Variants in PPFIA1 observed in about 807,000 individuals in gnomAD.
PPFIA1 encodes PPFI scaffold protein A1, also known as liprin-alpha-1.
A neutral mutation model predicts 149.9 loss-of-function variants in PPFIA1; 25 were observed. The ratio of observed to expected loss-of-function variants is 0.17; its 90% CI spans 0.12 to 0.23. The LOEUF is 0.23. Among genes scored for constraint, PPFIA1 ranks in the 10% least tolerant of loss-of-function variants. The pLI, the probability that PPFIA1 is intolerant of heterozygous loss-of-function variation, is 1.00. For missense variants in PPFIA1, 1,362 were observed against 1,506.5 expected, an observed-to-expected ratio of 0.90 and a Z score of 1.59; for synonymous variants, 549 against 552.8, an observed-to-expected ratio of 0.99 and a Z score of 0.10.
chr11:70,359,378 A>T (rs1037817331), intron 19 of PPFIA1, among the ~76,000 whole-genome samples: 2 of 152,180 alleles, frequency 1.3e-5, no homozygotes, highest in Non-Finnish European at 1.5e-5. Context: ...GGGCGACCCT[A>T]CATCTTTCCT....
intron 19 of PPFIA1, among the ~76,000 whole-genome samples, chr11:70,361,006 C>T (rs1050740928): frequency 1.3e-5 from 2 of 152,176 alleles, no homozygotes; most frequent in African/African-American, 4.8e-5. Flanking sequence ...ATGAGATTCA[C>T]CAAGCTTATA....
intron 16 of PPFIA1, chr11:70,350,967 C>A: frequency 3.2e-6 from 4 of 1,239,282 alleles, no homozygotes; most frequent in Non-Finnish European, 4.2e-6. Flanking sequence ...TCTGGTTTCT[C>A]TTCATTTCTT....
intron 2 of PPFIA1, among the ~76,000 whole-genome samples, chr11:70,297,760 G>C (rs183179384): frequency 1.3e-5 from 2 of 152,148 alleles, no homozygotes; most frequent in Non-Finnish European, 2.9e-5. Context: ...CCATTTCCCC[G>C]TAATGTCTGT....
intron 2 of PPFIA1, chr11:70,278,809 C>A: frequency 2.8e-6 from 1 of 352,208 alleles, no homozygotes. Context: ...TACAGAAAGG[C>A]AGAATTGTGT....
chr11:70,302,543 C>G (rs556744715), intron 2 of PPFIA1, among the ~76,000 whole-genome samples: 1 of 152,300 alleles, frequency 6.6e-6, no homozygotes, highest in South Asian at 2.1e-4. Context: ...TAAACCCTTT[C>G]TTTTTATCAT....
intron 2 of PPFIA1, among the ~76,000 whole-genome samples, chr11:70,288,967 G>GT (rs34756873): frequency 0.016 from 1,930 of 124,084 alleles, 64 homozygotes; most frequent in African/African-American, 0.045. Flanking sequence ...GCATCTGGTT[G>GT]TTTTTTTTTT....
intron 2 of PPFIA1, among the ~76,000 whole-genome samples, chr11:70,281,599 T>G (rs959241468): frequency 6.6e-6 from 1 of 152,212 alleles, no homozygotes; most frequent in Non-Finnish European, 1.5e-5. Context: ...AGGCCTGTAC[T>G]TCTTTTTGTC....
chr11:70,338,380 C>T lies in PPFIA1; in HGVS notation c.1498C>T (p.Leu500Phe). Residue 500 changes from leucine (L) to phenylalanine (F), a missense_variant, in exon 13 of 28, where the codon CTT becomes TTT. Physicochemically the swap from Leu to Phe is conservative, Grantham distance 22 (BLOSUM62 0). Transcript: ENST00000253925. Reference sequence around the variant, plus strand: ...GTCTTTTGCTTTTCTGTAGGATCAGCTTGTCCTAAACATTGAAGCACTGAG... The same window carrying T: ...GTCTTTTGCTTTTCTGTAGGATCAGTTTGTCCTAAACATTGAAGCACTGAG... The part of the protein sequence containing the change: ...LEETQHDKDQ[L>F]VLNIEALRAE... 1 of 1,611,674 alleles carries T rather than the reference C, an allele frequency of 6.2e-7. No homozygotes were observed. Among genetic ancestry groups the T allele is most frequent in the Non-Finnish European group, 8.5e-7 (1 of 1,178,004 alleles).
intron 2 of PPFIA1, among the ~76,000 whole-genome samples, chr11:70,312,840 A>T (rs1433733196): frequency 1.3e-5 from 2 of 151,980 alleles, no homozygotes; most frequent in African/African-American, 4.8e-5. Flanking sequence ...TGCTTTTCAG[A>T]GTAGAGTGGG....
intron 2 of PPFIA1, among the ~76,000 whole-genome samples, chr11:70,274,231 G>A (rs1273465617): frequency 6.6e-6 from 1 of 152,136 alleles, no homozygotes; most frequent in African/African-American, 2.4e-5. Flanking sequence ...AAGTGCATTT[G>A]TGCTCCTGGC....
chr11:70,372,439 T>G, intron 22 of PPFIA1, 38 bp from the exon 23 acceptor site: 1 of 1,612,718 alleles, frequency 6.2e-7, no homozygotes, highest in African/African-American at 1.3e-5. Flanking sequence ...TTTTTCACTG[T>G]TACCATCTCT....
chr11:70,271,304 TCAC>T (rs976779469), intron 1 of PPFIA1: 2 of 151,982 alleles, frequency 1.3e-5, no homozygotes, highest in African/African-American at 4.8e-5. Context: ...AGGCTGGAGG[TCAC>T]CATCCCCATC....
chr11:70,333,274 A>G (rs1447840222), intron 9 of PPFIA1, among the ~76,000 whole-genome samples, 196 bp from the exon 10 acceptor site: 1 of 152,118 alleles, frequency 6.6e-6, no homozygotes, highest in African/African-American at 2.4e-5. Context: ...AATCACCAAC[A>G]CAAGAGGGCT....
In PPFIA1 at chr11:70,295,174, G is replaced by A. The variant is rs1323496121; in HGVS notation, c.264+22738G>A. Among the ~76,000 whole-genome samples, 20 of 150,580 alleles carry A rather than the reference G, an allele frequency of 1.3e-4. 2 individuals carry two copies. The highest frequency in any genetic ancestry group is 2.6e-4 in the Admixed American group (4 of 15,190). On this transcript the variant is annotated intron_variant, in intron 2 of 27. Coordinates refer to ENST00000253925, the MANE Select transcript of PPFIA1 (RefSeq NM_003626.5). ...CACCTCCTGGGTGGGGCGGCTGGCCGGGCGGGGGGCTGACCCCCCCACCTC... is the reference window on the plus strand; with the variant it reads ...CACCTCCTGGGTGGGGCGGCTGGCCAGGCGGGGGGCTGACCCCCCCACCTC...
intron 2 of PPFIA1, 112 bp downstream of exon 2, chr11:70,272,548 A>G: frequency 7.8e-7 from 1 of 1,278,898 alleles, no homozygotes; most frequent in Non-Finnish European, 1.1e-6. Flanking sequence ...GATTTGTGAA[A>G]TGATAGTTTC....
At position 70,378,139 on chromosome 11, in the gene PPFIA1, G is replaced by A. The variant is rs894067451; in HGVS notation, c.3494G>A (p.Arg1165Gln). The change falls in exon 26 of 28, where the codon CGG (arginine) becomes CAG (glutamine). Residue 1165 changes from arginine to glutamine, a missense_variant. Physicochemically the swap from Arg to Gln is conservative, Grantham distance 43 (BLOSUM62 1). Transcript: ENST00000253925. ...GCAGAGACTCTCCCTGCAAACTTCCGGGTGACTTCTTCTATGTCTTCCCCC... is the reference window on the plus strand; with the variant it reads ...GCAGAGACTCTCCCTGCAAACTTCCAGGTGACTTCTTCTATGTCTTCCCCC... ...GSAETLPANF[R>Q]VTSSMSSPSM... is the part of the protein sequence containing the mutation. The A allele has an allele frequency of 1.9e-6, 3 of 1,614,084 alleles. No homozygotes were observed. Among genetic ancestry groups the A allele is most frequent in the Non-Finnish European group, 2.5e-6 (3 of 1,180,024 alleles).
chr11:70,343,966 C>G, intron 15 of PPFIA1, 74 bp downstream of exon 15: 1 of 1,290,950 alleles, frequency 7.7e-7, no homozygotes. Context: ...CTGGAAAAGT[C>G]TGGATGAAAT....
At chr11:70,283,073 C>G (rs1455137146) in intron 2 of PPFIA1, among the ~76,000 whole-genome samples, 3 of 148,932 alleles carry the variant, frequency 2.0e-5, no homozygotes, top group South Asian at 2.1e-4. Context: ...CTTCTGACCT[C>G]AGGTGATCTG....
At chr11:70,293,727 G>A (rs2051696653) in intron 2 of PPFIA1, among the ~76,000 whole-genome samples, 2 of 152,076 alleles carry the variant, frequency 1.3e-5, no homozygotes, top group Admixed American at 6.5e-5. Flanking sequence ...GTCTCCGAAG[G>A]GTCTTTTTCC....
Sources: gnomAD v4.1 joint callset for allele counts (sites outside exome capture counted in the v4.1 genomes callset) on GRCh38, gnomAD v4.1.1 for gene constraint, MANE v1.5 for transcripts, NCBI Gene and HGNC (gene_info 2026-07-23, HGNC 2026-07-21) for gene names.